ADK: variants seen among roughly 807,000 people sequenced by gnomAD.
ADK encodes N6,N6-dimethyladenosine kinase.
Under a neutral mutation model 44.7 loss-of-function variants are expected in ADK, and 24 were observed. The ratio of observed to expected loss-of-function variants is 0.54; its 90% CI spans 0.39 to 0.76. The LOEUF (loss-of-function observed/expected upper bound fraction) is 0.76, where lower values mean the gene tolerates loss of function less well. ADK is among the 30% of genes least tolerant of loss of function. The probability of loss-of-function intolerance (pLI) is 0.00; values close to 1 mark genes in which losing one functional copy is unlikely to be tolerated. For missense variants in ADK, 321 were observed against 425.1 expected, an observed-to-expected ratio of 0.76 and a Z score of 2.15; for synonymous variants, 128 against 142.6, an observed-to-expected ratio of 0.90 and a Z score of 0.73.
At chr10:74,458,782 C>T (rs574989309) in intron 6 of ADK, among the ~76,000 whole-genome samples, 1 of 152,210 alleles carries the variant, frequency 6.6e-6, no homozygotes, top group African/African-American at 2.4e-5. Flanking sequence ...TAGTACTAAT[C>T]TGCCTTACCT....
At chr10:74,494,550 C>A (rs1341974397) in intron 6 of ADK, among the ~76,000 whole-genome samples, 2 of 152,042 alleles carry the variant, frequency 1.3e-5, no homozygotes, top group East Asian at 1.9e-4. Context: ...ACATATCTTC[C>A]AATAGCTTCT....
intron 6 of ADK, among the ~76,000 whole-genome samples, chr10:74,417,420 G>A (rs1844411081): frequency 6.6e-6 from 1 of 152,086 alleles, no homozygotes; most frequent in South Asian, 2.1e-4. Context: ...ACACTGTAGT[G>A]TTTTCACATC....
chr10:74,470,024 C>CTT (rs372745779), intron 6 of ADK, among the ~76,000 whole-genome samples: 25 of 133,286 alleles, frequency 1.9e-4, no homozygotes, highest in South Asian at 2.4e-4. Flanking sequence ...TATATACCAC[C>CTT]TTTTTTTTTT....
At chr10:74,317,528 C>T (rs10824147) in intron 4 of ADK, among the ~76,000 whole-genome samples, 72,406 of 148,828 alleles carry the variant, frequency 0.49, 19,932 homozygotes, top group Non-Finnish European at 0.62. Context: ...TAGTTTGAGA[C>T]CAGCCTGGAC....
chr10:74,618,632 T>G (rs1300610198), intron 9 of ADK, among the ~76,000 whole-genome samples: 1 of 152,214 alleles, frequency 6.6e-6, no homozygotes, highest in African/African-American at 2.4e-5. Context: ...CTTTTGCCTT[T>G]CAATGTGTAT....
intron 9 of ADK, among the ~76,000 whole-genome samples, chr10:74,619,012 TTGTG>T (rs56168944): frequency 0.019 from 2,621 of 139,424 alleles, 24 homozygotes; most frequent in Middle Eastern, 0.035. Flanking sequence ...TTTATGCTCT[TTGTG>T]TGTGTGTGTG....
chr10:74,534,510 A>G (rs1168498020), intron 7 of ADK, among the ~76,000 whole-genome samples: 1 of 152,188 alleles, frequency 6.6e-6, no homozygotes, highest in African/African-American at 2.4e-5. Flanking sequence ...CCTGGGTTCT[A>G]ATCATGACAA....
chr10:74,676,871 T>A (rs1446629684), intron 10 of ADK, among the ~76,000 whole-genome samples: 1 of 152,206 alleles, frequency 6.6e-6, no homozygotes, highest in Non-Finnish European at 1.5e-5. Context: ...ACCTATAATA[T>A]GCAAATGACT....
intron 3 of ADK, among the ~76,000 whole-genome samples, chr10:74,303,884 G>A (rs555223499): frequency 2.6e-5 from 4 of 151,478 alleles, no homozygotes; most frequent in East Asian, 3.9e-4. Flanking sequence ...CAGGAGAATC[G>A]CTTGAACCCG....
At chr10:74,600,119 T>A (rs2133962658) in intron 8 of ADK, among the ~76,000 whole-genome samples, 1 of 152,268 alleles carries the variant, frequency 6.6e-6, no homozygotes, top group South Asian at 2.1e-4. Flanking sequence ...TTTAGAATAA[T>A]TTGAAAAGCA....
At chr10:74,541,423 C>T (rs1260009654) in intron 7 of ADK, among the ~76,000 whole-genome samples, 1 of 152,132 alleles carries the variant, frequency 6.6e-6, no homozygotes, top group Non-Finnish European at 1.5e-5. Flanking sequence ...GTCCAGGTTG[C>T]TCACATTGCA....
rs896957145 is a variant in ADK, at chr10:74,541,796, C to CG, written c.726+16370_726+16371insG. 3.0e-4 allele frequency among the ~76,000 whole-genome samples: 33 copies of CG among 108,384 alleles called. 2 individuals carry two copies. Among genetic ancestry groups the CG allele is most frequent in the African/African-American group, 1.2e-3 (31 of 26,278 alleles). 71.1% of individuals were successfully genotyped at this position (108,384 alleles called of 152,430 possible). Reference sequence around the variant, plus strand: ...TTACAGAACGAGAACCCCCACACACCCCCCCCCCCTAAAAAAAAACAACAC... The same window carrying CG: ...TTACAGAACGAGAACCCCCACACACCGCCCCCCCCCTAAAAAAAAACAACAC... On this transcript the variant is annotated intron_variant, in intron 7 of 10. Coordinates refer to ENST00000539909, the MANE Select transcript of ADK (RefSeq NM_006721.4).
At chr10:74,438,524 C>A (rs985687049) in intron 6 of ADK, among the ~76,000 whole-genome samples, 2 of 152,056 alleles carry the variant, frequency 1.3e-5, no homozygotes, top group African/African-American at 4.8e-5. Flanking sequence ...GCCACTGCCC[C>A]CGGCCTTGCC....
chr10:74,279,713 TC>T (rs1846843421), intron 3 of ADK, among the ~76,000 whole-genome samples: 1 of 152,112 alleles, frequency 6.6e-6, no homozygotes, highest in Non-Finnish European at 1.5e-5. Flanking sequence ...TTTTTTTTTT[TC>T]ATGAGTGAAG....
rs1040937460 is a variant in ADK at position 74,349,741 on chromosome 10, C to CA, written c.273+35006dup. ...GAATGTTTACCAAGCAAATGGAAAG[C>CA]AAAAAAAAAAGCAGGGGTTGCACTT... On this transcript the variant is annotated intron_variant, in intron 4 of 10. Transcript: ENST00000539909. Among the ~76,000 whole-genome samples, 940 of 139,172 alleles carry CA rather than the reference C, an allele frequency of 6.8e-3. 8 individuals are homozygous for CA. Among genetic ancestry groups the CA allele is most frequent in the African/African-American group, 0.021 (795 of 37,934 alleles). 91.3% of individuals were successfully genotyped at this position (139,172 alleles called of 152,430 possible). A position where few individuals can be genotyped will look rare whatever the true frequency, so the allele number is the denominator to read the frequency against.
At chr10:74,452,003 T>C (rs1224648257) in intron 6 of ADK, among the ~76,000 whole-genome samples, 1 of 151,882 alleles carries the variant, frequency 6.6e-6, no homozygotes, top group African/African-American at 2.4e-5. Context: ...TTGCTCATGT[T>C]AGACAAACTA....
chr10:74,400,185 TG>T (rs1362105579), intron 6 of ADK, among the ~76,000 whole-genome samples: 1 of 152,140 alleles, frequency 6.6e-6, no homozygotes, highest in African/African-American at 2.4e-5. Flanking sequence ...TTTTGAGATT[TG>T]GGTGGTGTAT....
chr10:74,705,789 C>T (rs982729499), intron 10 of ADK, among the ~76,000 whole-genome samples: 5 of 152,204 alleles, frequency 3.3e-5, no homozygotes, highest in Admixed American at 6.5e-5. Context: ...ACACCCTTGC[C>T]AACACTTGTT....
At chr10:74,222,816 A>G (rs1844369721) in intron 2 of ADK, among the ~76,000 whole-genome samples, 1 of 138,500 alleles carries the variant, frequency 7.2e-6, no homozygotes, top group Non-Finnish European at 1.5e-5. Context: ...AACAATGAGA[A>G]CACATGGACA....
Sources: allele counts gnomAD v4.1 joint callset (sites outside exome capture counted in the v4.1 genomes callset), GRCh38; gene constraint gnomAD v4.1.1; transcripts MANE v1.5; gene names NCBI Gene and HGNC (gene_info 2026-07-23, HGNC 2026-07-21).